The following GAB1 variants were observed in gnomAD, a reference collection of about 807,000 sequenced individuals.
The protein encoded by GAB1 is GRB2-associated-binding protein 1.
A neutral mutation model predicts 66.5 loss-of-function variants in GAB1; 19 were observed. That is an observed-to-expected ratio of 0.29 (90% CI 0.20 to 0.42). The LOEUF is 0.42. Ranked by LOEUF, GAB1 falls within the 10% of genes least tolerant of loss-of-function variation. GAB1 has a pLI of 1.00. For missense variants in GAB1, 732 were observed against 858.5 expected, an observed-to-expected ratio of 0.85 and a Z score of 1.84; for synonymous variants, 294 against 301.4, an observed-to-expected ratio of 0.98 and a Z score of 0.25.
chr4:143,361,376 G>T (rs1181650938), intron 1 of GAB1, among the ~76,000 whole-genome samples: 1 of 152,040 alleles, frequency 6.6e-6, no homozygotes, highest in Non-Finnish European at 1.5e-5. Context: ...CTCTTACTGG[G>T]GAGATCTCAC....
intron 3 of GAB1, among the ~76,000 whole-genome samples, chr4:143,437,420 T>C (rs1193277889): frequency 6.6e-6 from 1 of 152,216 alleles, no homozygotes; most frequent in Non-Finnish European, 1.5e-5. Context: ...CTCTTTATAA[T>C]GTTGGCTAAA....
chr4:143,399,922 A>G (rs1560742641), intron 1 of GAB1, among the ~76,000 whole-genome samples: 1 of 148,660 alleles, frequency 6.7e-6, no homozygotes, highest in Non-Finnish European at 1.5e-5. Context: ...ACCCATCCAC[A>G]CTAAATTGAG....
chr4:143,398,653 A>AG (rs999362246), intron 1 of GAB1, among the ~76,000 whole-genome samples: 1 of 151,874 alleles, frequency 6.6e-6, no homozygotes, highest in Admixed American at 6.6e-5. Flanking sequence ...TAATCATGGT[A>AG]GGGGGTAGGT....
intron 1 of GAB1, among the ~76,000 whole-genome samples, chr4:143,376,277 A>G (rs186168197): frequency 5.3e-5 from 8 of 152,356 alleles, no homozygotes; most frequent in Admixed American, 4.6e-4. Flanking sequence ...GATCATGAAC[A>G]TGTGTCTACT....
At chr4:143,424,828 G>A (rs575725402) in intron 2 of GAB1, 17 of 361,558 alleles carry the variant, frequency 4.7e-5, no homozygotes, top group Middle Eastern at 8.8e-4. Context: ...GGTGGCGTGT[G>A]CCTGTAGTCC....
chr4:143,422,043 A>G (rs1250552584), intron 2 of GAB1, among the ~76,000 whole-genome samples: 1 of 152,144 alleles, frequency 6.6e-6, no homozygotes, highest in South Asian at 2.1e-4. Flanking sequence ...GAAAATTGCA[A>G]CTACTGCTAT....
At chr4:143,389,764 C>T (rs547737884) in intron 1 of GAB1, among the ~76,000 whole-genome samples, 2 of 152,248 alleles carry the variant, frequency 1.3e-5, no homozygotes, top group South Asian at 4.1e-4. Context: ...TGTTGAATGA[C>T]TAAATAAGTG....
intron 6 of GAB1, among the ~76,000 whole-genome samples, chr4:143,449,743 C>G (rs1471929653): frequency 6.6e-6 from 1 of 152,156 alleles, no homozygotes; most frequent in African/African-American, 2.4e-5. Context: ...ACTCTTTATC[C>G]AATTTGCCAG....
chr4:143,443,565 G>A (rs1734350993), intron 6 of GAB1, among the ~76,000 whole-genome samples: 1 of 152,124 alleles, frequency 6.6e-6, no homozygotes, highest in African/African-American at 2.4e-5. Flanking sequence ...AGTATTCATA[G>A]CATCAGATGA....
intron 1 of GAB1, among the ~76,000 whole-genome samples, chr4:143,356,494 G>A (rs1455356118): frequency 6.6e-6 from 1 of 152,190 alleles, no homozygotes; most frequent in Non-Finnish European, 1.5e-5. Context: ...GAATATGGGA[G>A]TGGGAGTCAC....
chr4:143,411,581 T>C (rs1464427188), intron 1 of GAB1, among the ~76,000 whole-genome samples: 4 of 152,206 alleles, frequency 2.6e-5, no homozygotes, highest in African/African-American at 9.6e-5. Context: ...GTGTACGGCT[T>C]TCTCTGGAGC....
At chr4:143,370,241 C>T (rs1730058814) in intron 1 of GAB1, among the ~76,000 whole-genome samples, 1 of 152,196 alleles carries the variant, frequency 6.6e-6, no homozygotes, top group Non-Finnish European at 1.5e-5. Flanking sequence ...TATCAAACCA[C>T]TGGCTGTGTA....
chr4:143,351,590 C>T (rs1451768705), intron 1 of GAB1, among the ~76,000 whole-genome samples: 1 of 152,192 alleles, frequency 6.6e-6, no homozygotes, highest in Non-Finnish European at 1.5e-5. Flanking sequence ...TGCCTATCCT[C>T]ACCTAGGTTC....
At chr4:143,353,402 C>T (rs1224875957) in intron 1 of GAB1, among the ~76,000 whole-genome samples, 1 of 152,178 alleles carries the variant, frequency 6.6e-6, no homozygotes, top group Non-Finnish European at 1.5e-5. Context: ...GTTTTCTAAT[C>T]TATCTCTTTT....
rs571671118 is a variant in GAB1 at position 143,412,162 on chromosome 4, A to G, written c.73-3315A>G. 1.1e-4 allele frequency among the ~76,000 whole-genome samples: 17 copies of G among 152,302 alleles called. No homozygotes were observed. The East Asian group carries it at 3.3e-3, about 29-fold the overall frequency. ...ACAATGTGATTTCAACAGGGAAGCC[A>G]AGGAATGGATGGGGGGGAGCCACAG... On this transcript the variant is annotated intron_variant, in intron 1 of 9. Coordinates refer to ENST00000262994, the MANE Select transcript of GAB1 (RefSeq NM_002039.4).
intron 1 of GAB1, among the ~76,000 whole-genome samples, chr4:143,408,616 C>T (rs1732193926): frequency 6.6e-6 from 1 of 152,116 alleles, no homozygotes; most frequent in African/African-American, 2.4e-5. Context: ...AATTGCCTAG[C>T]TTTATTGTGT....
intron 1 of GAB1, among the ~76,000 whole-genome samples, chr4:143,397,250 A>G (rs1377554283): frequency 1.3e-5 from 2 of 152,212 alleles, no homozygotes; most frequent in African/African-American, 4.8e-5. Context: ...CAAAAAAATG[A>G]TTACACATTG....
At position 143,438,290 on chromosome 4, in the gene GAB1, T is replaced by G; in HGVS notation, c.885T>G (p.Ser295Arg). 6.2e-7 allele frequency: 1 copy of G among 1,613,920 alleles called. No homozygotes were observed. The highest frequency in any genetic ancestry group is 1.1e-5 in the South Asian group (1 of 91,060). ...YVFNTPSGTS[S>R]VETQMRHVSI... ...TTAATACCCCATCTGGGACATCGAG[T>G]GTAGAGACTCAAATGAGGCATGTAT... is the stretch of plus-strand genomic sequence containing the variant. The change falls in exon 4 of 10, where the codon AGT becomes AGG. Residue 295 changes from serine to arginine, a missense_variant. Ser to Arg is a moderately radical substitution (Grantham distance 110, BLOSUM62 -1). This residue lies in a region of GAB1 where 427 missense variants were observed against 420.6 expected (regional missense o/e 1.02). Coordinates refer to ENST00000262994, the MANE Select transcript of GAB1 (RefSeq NM_002039.4).
chr4:143,426,024 A>T lies in GAB1; in HGVS notation c.368-7467A>T, dbSNP rs150119010. ...AAAATTACAAAAAAAGAAAAAATTA[A>T]CTCCAGGTATAAGGTGTTAGAGTTT... On this transcript the variant is annotated intron_variant, in intron 2 of 9. Coordinates refer to ENST00000262994, the MANE Select transcript of GAB1 (RefSeq NM_002039.4). The T allele has an allele frequency of 8.5e-4, 521 of 610,096 alleles. 2 individuals are homozygous for T. The East Asian group carries it at 0.011, about 12-fold the overall frequency. 37.8% of individuals were successfully genotyped at this position (610,096 alleles called of 1,614,324 possible). A position where few individuals can be genotyped will look rare whatever the true frequency, so the allele number is the denominator to read the frequency against.
Sources: gnomAD v4.1 joint callset for allele counts (sites outside exome capture counted in the v4.1 genomes callset) on GRCh38, gnomAD v4.1.1 for gene constraint, gnomAD v4.1.1 regional missense constraint, MANE v1.5 for transcripts, NCBI Gene and HGNC (gene_info 2026-07-23, HGNC 2026-07-21) for gene names.